The following KEL variants were observed in gnomAD, a reference collection of about 807,000 sequenced individuals.
KEL encodes kell blood group glycoprotein.
Under a neutral mutation model 99.5 loss-of-function variants are expected in KEL, and 96 were observed. The observed-to-expected ratio is 0.97, with a 90% CI of 0.82 to 1.14. The LOEUF is 1.14. Among genes scored for constraint, KEL ranks in the 50% most tolerant of loss-of-function variants. The pLI, the probability that KEL is intolerant of heterozygous loss-of-function variation, is 0.00. For synonymous variants in KEL, 355 were observed against 354.8 expected (o/e 1.00, Z -0.01); for missense variants, 926 against 924.2 (o/e 1.00, Z -0.03).
At chr7:142,944,011 A>T in intron 13 of KEL, 128 bp from the exon 14 acceptor site, 1 of 774,278 alleles carries the variant, frequency 1.3e-6, no homozygotes, top group Non-Finnish European at 2.3e-6. Flanking sequence ...GGATTAGGAG[A>T]GAGCAGCCCA....
Position 142,958,401 on chromosome 7 carries a change from G to C in KEL, c.428C>G (p.Ser143Cys). ...GAACTGGAAGGCTTTCTCCTCCCCA[G>C]AGCCTGGGTGCCAGGAATTCTGGAC... The part of the protein sequence containing the change: ...LEVQNSWHPG[S>C]GEEKAFQFYN... Residue 143 changes from serine to cysteine, a missense_variant, in exon 5 of 19, where the codon TCT (serine) becomes TGT (cysteine). By Grantham distance (112) the Ser-to-Cys change is moderately radical (BLOSUM62 -1). Coordinates refer to ENST00000355265, the MANE Select transcript of KEL (RefSeq NM_000420.3). 2 of 1,614,116 alleles carry C rather than the reference G, an allele frequency of 1.2e-6. No individual in the cohort carries two copies. The highest frequency in any genetic ancestry group is 1.3e-5 in the African/African-American group (1 of 75,044).
At chr7:142,943,697 C>G in intron 14 of KEL, 86 bp downstream of exon 14, 1 of 1,465,880 alleles carries the variant, frequency 6.8e-7, no homozygotes, top group Non-Finnish European at 9.5e-7. Context: ...GTTCATGCTG[C>G]CTGCCCTGAG....
In KEL at chr7:142,941,137, T is replaced by A; in HGVS notation, c.*115A>T. The A allele has an allele frequency of 8.6e-7, 1 of 1,168,828 alleles. No individual in the cohort carries two copies. Among genetic ancestry groups the A allele is most frequent in the Non-Finnish European group, 1.3e-6 (1 of 789,072 alleles). 72.4% of individuals were successfully genotyped at this position (1,168,828 alleles called of 1,614,324 possible). A position where few individuals can be genotyped will look rare whatever the true frequency, so the allele number is the denominator to read the frequency against. On this transcript the variant is annotated 3_prime_UTR_variant, in exon 19 of 19. Transcript: ENST00000355265. ...CATTAAGAGACAAGCGGAAGCCAAG[T>A]GCCAGCTTTTATTTTTGGAACAGAA...
At chr7:142,944,569 A>G in intron 12 of KEL, 74 bp downstream of exon 12, 1 of 1,369,014 alleles carries the variant, frequency 7.3e-7, no homozygotes, top group South Asian at 1.2e-5. Context: ...ATTTGCTTCC[A>G]ATCCCCATCT....
In KEL at chr7:142,941,383, A is replaced by G; in HGVS notation, c.2068T>C (p.Ser690Pro). The G allele has an allele frequency of 3.7e-6, 6 of 1,607,670 alleles. No homozygotes were observed. Among genetic ancestry groups the G allele is most frequent in the Non-Finnish European group, 5.1e-6 (6 of 1,175,126 alleles). The change falls in exon 19 of 19, where the codon TCT (serine) becomes CCT (proline). Residue 690 changes from serine to proline, a missense_variant. Physicochemically the swap from Ser to Pro is moderately conservative, Grantham distance 74. Transcript: ENST00000355265. ...TGTGGAGGGCTGTGAGTGTCGTGAGAGTCCTGGGGGCTGGGCTTCCTACAC... is the reference window on the plus strand; with the variant it reads ...TGTGGAGGGCTGTGAGTGTCGTGAGGGTCCTGGGGGCTGGGCTTCCTACAC... ...VMCRKPSPQD[S>P]HDTHSPPHLR...
chr7:142,961,959 C>A lies in KEL; in HGVS notation c.4-87G>T. ...AGAGTTTTATCAGGCCATTTTGATACCCTCGCTGCCTGCCCTGCCCCCACA... is the reference window on the plus strand; with the variant it reads ...AGAGTTTTATCAGGCCATTTTGATAACCTCGCTGCCTGCCCTGCCCCCACA... On this transcript the variant is annotated intron_variant, in intron 1 of 18. Coordinates refer to ENST00000355265, the MANE Select transcript of KEL (RefSeq NM_000420.3). 3.7e-6 allele frequency: 6 copies of A among 1,600,894 alleles called. No homozygotes were observed. In the East Asian group the frequency reaches 6.7e-5, roughly 18 times the overall value.
At chr7:142,961,582 C>G (rs956081489) in intron 2 of KEL, 81 bp from the exon 3 acceptor site, 1 of 1,473,320 alleles carries the variant, frequency 6.8e-7, no homozygotes, top group African/African-American at 1.4e-5. Flanking sequence ...GAGAATGAAT[C>G]TGTTGGTGCT....
chr7:142,944,788 C>G, intron 11 of KEL, 47 bp from the exon 12 acceptor site: 1 of 1,452,368 alleles, frequency 6.9e-7, no homozygotes, highest in Non-Finnish European at 9.6e-7. Flanking sequence ...CAGGAGAGGC[C>G]TCAGCCTGGC....
intron 6 of KEL, among the ~76,000 whole-genome samples, chr7:142,954,832 G>T (rs541458542): frequency 6.6e-5 from 10 of 152,112 alleles, no homozygotes; most frequent in Non-Finnish European, 1.5e-4. Context: ...ACAGGGCCAG[G>T]GTGAGTGAGG....
chr7:142,944,975 GA>G lies in KEL; in HGVS notation c.1315-235del, dbSNP rs1417983514. ...CTGGCCATCCGTGAGGGCCATCAGG[GA>G]GATATAGTTCCTTTCCATGGGGAAA... On this transcript the variant is annotated intron_variant, in intron 11 of 18. Transcript: ENST00000355265. The G allele has an allele frequency of 1.3e-4, 81 of 600,768 alleles. No individual in the cohort carries two copies. In the African/African-American group the frequency reaches 1.5e-3, roughly 11 times the overall value. 37.2% of individuals were successfully genotyped at this position (600,768 alleles called of 1,614,324 possible).
At chr7:142,945,136 G>A (rs375878328) in intron 11 of KEL, among the ~76,000 whole-genome samples, 21 of 152,172 alleles carry the variant, frequency 1.4e-4, no homozygotes, top group Middle Eastern at 3.4e-3. Flanking sequence ...TTTTTAAACC[G>A]TCCACTCCCT....
At chr7:142,944,795 T>G (rs1361701373) in intron 11 of KEL, 54 bp from the exon 12 acceptor site, 28 of 1,389,458 alleles carry the variant, frequency 2.0e-5, no homozygotes, top group Non-Finnish European at 2.8e-5. Flanking sequence ...GGCCTCAGCC[T>G]GGCCCTGCCC....
chr7:142,946,175 A>G (rs541440812), intron 11 of KEL, 32 bp downstream of exon 11: 27 of 1,447,676 alleles, frequency 1.9e-5, no homozygotes, highest in Non-Finnish European at 2.3e-5. Flanking sequence ...GAAGGGGTGG[A>G]GGGATGTGGG....
chr7:142,946,253 G>A lies in KEL; in HGVS notation c.1268C>T (p.Ala423Val), dbSNP rs61728831. The A allele has an allele frequency of 8.6e-5, 139 of 1,613,988 alleles. No homozygotes were observed. Among genetic ancestry groups the A allele is most frequent in the South Asian group, 2.4e-4 (22 of 91,080 alleles). Reference sequence around the variant, plus strand: ...AAAGGCCTCACGAACAAACAAAGCCGCCAGCGTGGGCTCGAAGAACGTGCC... The same window carrying A: ...AAAGGCCTCACGAACAAACAAAGCCACCAGCGTGGGCTCGAAGAACGTGCC... ...ETGTFFEPTL[A>V]ALFVREAFGP... The change falls in exon 11 of 19, where the codon GCG becomes GTG. Residue 423 changes from alanine to valine, a missense_variant. Transcript: ENST00000355265.
intron 2 of KEL, 77 bp from the exon 3 acceptor site, chr7:142,961,578 G>T: frequency 6.7e-7 from 1 of 1,485,684 alleles, no homozygotes; most frequent in Non-Finnish European, 9.3e-7. Flanking sequence ...GAGAGAGAAT[G>T]AATCTGTTGG....
chr7:142,953,376 A>C (rs1402829445), intron 9 of KEL: 1 of 984,844 alleles, frequency 1.0e-6, no homozygotes, highest in East Asian at 1.1e-4. Flanking sequence ...AAGCATCCCC[A>C]GCCTTCACCA....
chr7:142,941,373 G>A lies in KEL; in HGVS notation c.2078C>T (p.Thr693Ile), dbSNP rs757250211. 6.2e-7 allele frequency: 1 copy of A among 1,610,642 alleles called. No homozygotes were observed. The highest frequency in any genetic ancestry group is 2.2e-5 in the East Asian group (1 of 44,756). ...RKPSPQDSHDTHSPPHLRVHG... is the reference protein window; with the variant it reads ...RKPSPQDSHDIHSPPHLRVHG... ...GACTCGGAGGTGTGGAGGGCTGTGA[G>A]TGTCGTGAGAGTCCTGGGGGCTGGG... The change falls in exon 19 of 19, where the codon ACT (threonine) becomes ATT (isoleucine). Residue 693 changes from threonine to isoleucine, a missense_variant. Transcript: ENST00000355265.
chr7:142,960,506 A>C, intron 4 of KEL, among the ~76,000 whole-genome samples: 1 of 152,240 alleles, frequency 6.6e-6, no homozygotes, highest in East Asian at 1.9e-4. Flanking sequence ...GAGATGCTGA[A>C]GAGATGCTTG....
chr7:142,953,733 C>A (rs1374695411), intron 9 of KEL, 75 bp downstream of exon 9: 9 of 1,573,386 alleles, frequency 5.7e-6, no homozygotes, highest in Non-Finnish European at 7.8e-6. Flanking sequence ...CCCAAGGTTT[C>A]CTTTGCCCCC....
Sources: allele counts gnomAD v4.1 joint callset (sites outside exome capture counted in the v4.1 genomes callset), GRCh38; gene constraint gnomAD v4.1.1; transcripts MANE v1.5; gene names NCBI Gene and HGNC (gene_info 2026-07-23, HGNC 2026-07-21).